Variants in ANO10 observed in about 807,000 individuals in gnomAD.
ANO10 encodes anoctamin 10.
In ANO10, 77 loss-of-function variants were observed where a neutral mutation model predicts 74.7. The observed-to-expected ratio is 1.03, with a 90% CI of 0.86 to 1.25. The LOEUF (loss-of-function observed/expected upper bound fraction) is 1.25. ANO10 is among the 50% of genes most tolerant of loss of function. The pLI is 0.00. For synonymous variants in ANO10, 279 were observed against 284.9 expected (o/e 0.98, Z 0.21); for missense variants, 721 against 778.1 (o/e 0.93, Z 0.87).
In ANO10 at chr3:43,437,865, G is replaced by GAA. The variant is rs572553231; in HGVS notation, c.1798-5140_1798-5139dup. The stretch of plus-strand genomic sequence containing the variant: ...GCCAGCAAAAAACAAAAGGGCATCT[G>GAA]AAAAAAAAAAACAAAAAAAAACAAG... On this transcript the variant is annotated intron_variant, in intron 11 of 12. Transcript: ENST00000292246. Among the ~76,000 whole-genome samples, 21 of 108,992 alleles carry GAA rather than the reference G, an allele frequency of 1.9e-4. No individual in the cohort carries two copies. In the East Asian group the frequency reaches 4.7e-3, roughly 24 times the overall value. The allele number at this position is 108,992 out of a possible 152,430, so 71.5% of individuals were successfully genotyped here. A position where few individuals can be genotyped will look rare whatever the true frequency, so the allele number is the denominator to read the frequency against.
chr3:43,679,971 C>A (rs1253008278), intron 1 of ANO10, among the ~76,000 whole-genome samples: 2 of 152,140 alleles, frequency 1.3e-5, no homozygotes, highest in African/African-American at 4.8e-5. Context: ...GTAGATAAAA[C>A]CACAAAGATG....
intron 4 of ANO10, among the ~76,000 whole-genome samples, chr3:43,588,024 C>G (rs1353764571): frequency 6.6e-6 from 1 of 152,078 alleles, no homozygotes; most frequent in African/African-American, 2.4e-5. Flanking sequence ...GAAAACTGTC[C>G]AAAAACCTAA....
chr3:43,657,460 T>C (rs1392973050), intron 1 of ANO10, among the ~76,000 whole-genome samples: 4 of 152,208 alleles, frequency 2.6e-5, no homozygotes, highest in Non-Finnish European at 5.9e-5. Context: ...CTCAGTTCCA[T>C]TTATTAGTTT....
intron 12 of ANO10, among the ~76,000 whole-genome samples, chr3:43,396,822 C>A (rs1374602015): frequency 1.3e-5 from 2 of 152,040 alleles, no homozygotes; most frequent in Admixed American, 1.3e-4. Context: ...TGTGCACCAG[C>A]ATGCCAGGTC....
chr3:43,377,375 C>T (rs1469703826), intron 12 of ANO10, among the ~76,000 whole-genome samples: 2 of 152,158 alleles, frequency 1.3e-5, no homozygotes, highest in African/African-American at 2.4e-5. Context: ...TGTGAGCCCC[C>T]GCACAGGGCC....
At chr3:43,653,754 C>T (rs1359016382) in intron 1 of ANO10, among the ~76,000 whole-genome samples, 2 of 152,152 alleles carry the variant, frequency 1.3e-5, no homozygotes, top group Non-Finnish European at 2.9e-5. Context: ...AGAGTGCCTA[C>T]CCAGCATCTG....
At chr3:43,631,713 T>C (rs76853998) in intron 1 of ANO10, among the ~76,000 whole-genome samples, 3,291 of 147,482 alleles carry the variant, frequency 0.022, 107 homozygotes, top group African/African-American at 0.077. Flanking sequence ...CCTCAATGAA[T>C]GTAGAGAACC....
In ANO10 at chr3:43,443,883, T is replaced by C. The variant is rs140755219; in HGVS notation, c.1798-11156A>G. Among the ~76,000 whole-genome samples, 1,493 of 152,054 alleles carry C rather than the reference T, an allele frequency of 9.8e-3. 17 individuals carry two copies. The highest frequency in any genetic ancestry group is 0.017 in the Non-Finnish European group (1,124 of 67,970). Reference sequence around the variant, plus strand: ...TTTTTAGTAGAGACGGGTTTCACCATGTTGGCCAGGCGGGTCTCGAACTCC... The same window carrying C: ...TTTTTAGTAGAGACGGGTTTCACCACGTTGGCCAGGCGGGTCTCGAACTCC... On this transcript the variant is annotated intron_variant, in intron 11 of 12. Coordinates refer to ENST00000292246, the MANE Select transcript of ANO10 (RefSeq NM_018075.5).
rs2091418432 is a variant in ANO10 at position 43,366,592 on chromosome 3, G to A, written c.*314C>T. 8.7e-6 allele frequency: 4 copies of A among 458,780 alleles called. No individual in the cohort carries two copies. The highest frequency in any genetic ancestry group is 1.6e-5 in the Non-Finnish European group (4 of 247,266). 28.4% of individuals were successfully genotyped at this position (458,780 alleles called of 1,614,324 possible). ...TATGAGGGGAACGTGGAGAGCTGGT[G>A]GCTCACTCATGGTGAGAGGCTCAAG... On this transcript the variant is annotated 3_prime_UTR_variant, in exon 13 of 13. Coordinates refer to ENST00000292246, the MANE Select transcript of ANO10 (RefSeq NM_018075.5).
At chr3:43,508,465 A>T (rs1289140402) in intron 11 of ANO10, among the ~76,000 whole-genome samples, 2 of 152,208 alleles carry the variant, frequency 1.3e-5, no homozygotes, top group Non-Finnish European at 2.9e-5. Flanking sequence ...AAGGATTATA[A>T]ATCATGCTGC....
At chr3:43,585,065 T>C (rs1220694453) in intron 4 of ANO10, among the ~76,000 whole-genome samples, 3 of 152,206 alleles carry the variant, frequency 2.0e-5, no homozygotes, top group African/African-American at 7.2e-5. Context: ...GTTTTATTAG[T>C]TCTAAAATTT....
chr3:43,612,328 C>A (rs562484127), intron 1 of ANO10, among the ~76,000 whole-genome samples: 1 of 151,870 alleles, frequency 6.6e-6, no homozygotes, highest in East Asian at 1.9e-4. Flanking sequence ...AAGCTGAGCT[C>A]CCTCAGGAGT....
At position 43,523,519 on chromosome 3, in the gene ANO10, A is replaced by G. The variant is rs556807345; in HGVS notation, c.1797+26201T>C. On this transcript the variant is annotated intron_variant, in intron 11 of 12. Coordinates refer to ENST00000292246, the MANE Select transcript of ANO10 (RefSeq NM_018075.5). Reference sequence around the variant, plus strand: ...TATGCTGTAGCAACTCAGAAAAGGAATAATGAGGGCTTACCCTAAGGCTAC... The same window carrying G: ...TATGCTGTAGCAACTCAGAAAAGGAGTAATGAGGGCTTACCCTAAGGCTAC... Among the ~76,000 whole-genome samples, 241 of 152,328 alleles carry G rather than the reference A, an allele frequency of 1.6e-3. 1 individual carries two copies. Among genetic ancestry groups the G allele is most frequent in the Admixed American group, 3.0e-3 (46 of 15,294 alleles).
intron 1 of ANO10, among the ~76,000 whole-genome samples, chr3:43,618,303 G>A (rs1378104952): frequency 2.6e-5 from 4 of 152,106 alleles, no homozygotes; most frequent in Admixed American, 6.6e-5. Context: ...AACAGCCCAG[G>A]CCGGATTAGA....
chr3:43,667,950 T>C (rs2084012383), intron 1 of ANO10, among the ~76,000 whole-genome samples: 1 of 152,210 alleles, frequency 6.6e-6, no homozygotes, highest in Admixed American at 6.5e-5. Flanking sequence ...TTTGGGTAGA[T>C]ACCCAGTAGT....
intron 1 of ANO10, among the ~76,000 whole-genome samples, chr3:43,685,607 C>A (rs1321599823): frequency 6.6e-6 from 1 of 152,220 alleles, no homozygotes; most frequent in African/African-American, 2.4e-5. Flanking sequence ...ATCTCCCAAA[C>A]TGCTTTCCAA....
At chr3:43,590,843 G>A (rs1219268690) in intron 4 of ANO10, among the ~76,000 whole-genome samples, 6 of 152,122 alleles carry the variant, frequency 3.9e-5, no homozygotes, top group South Asian at 4.1e-4. Flanking sequence ...TTCCTAGGCC[G>A]ACTAAGAATT....
chr3:43,440,246 CAT>C (rs904613866), intron 11 of ANO10, among the ~76,000 whole-genome samples: 2 of 151,894 alleles, frequency 1.3e-5, no homozygotes, highest in African/African-American at 2.4e-5. Context: ...GATCAAAAGA[CAT>C]AGAGTGGCTG....
chr3:43,495,501 CA>C (rs1490961370), intron 11 of ANO10, among the ~76,000 whole-genome samples: 1 of 151,960 alleles, frequency 6.6e-6, no homozygotes, highest in Non-Finnish European at 1.5e-5. Flanking sequence ...ACTTAAAATA[CA>C]AAATTCCTGC....
Sources: gnomAD v4.1 joint callset for allele counts (sites outside exome capture counted in the v4.1 genomes callset) on GRCh38, gnomAD v4.1.1 for gene constraint, MANE v1.5 for transcripts, NCBI Gene and HGNC (gene_info 2026-07-23, HGNC 2026-07-21) for gene names.